Variants in USH2A observed in about 807,000 individuals in gnomAD.
USH2A encodes the protein usherin.
USH2A carries 443 observed loss-of-function variants against 538.9 expected under a neutral mutation model. The observed-to-expected ratio is 0.82, with a 90% CI of 0.76 to 0.89. The LOEUF (loss-of-function observed/expected upper bound fraction) is 0.89, where lower values mean the gene tolerates loss of function less well. USH2A is among the 40% of genes least tolerant of loss of function. USH2A has a pLI of 0.00. For missense variants in USH2A, 6,633 were observed against 6,324.8 expected (o/e 1.05, Z -1.65); for synonymous variants, 2,413 against 2,273.5 (o/e 1.06, Z -1.75).
Position 215,877,841 on chromosome 1 carries a change from T to A in USH2A, c.8598A>T (p.Ala2866=). The A allele has an allele frequency of 6.2e-7, 1 of 1,613,852 alleles. No individual in the cohort carries two copies. Reference sequence around the variant, plus strand: ...GATTTAAATCTTCTGGGGGATTTGATGCAAGTGGCTGCTGGATTTTACGTC... The same window carrying A: ...GATTTAAATCTTCTGGGGGATTTGAAGCAAGTGGCTGCTGGATTTTACGTC... The part of the protein sequence containing the change: ...LLRRKIQQPL[A]SNPPEDLNRW... Residue 2866 remains alanine, a synonymous_variant, in exon 43 of 72, where the codon GCA becomes GCT. Transcript: ENST00000307340.
intron 21 of USH2A, among the ~76,000 whole-genome samples, chr1:216,141,580 A>G (rs1041267580): frequency 6.6e-5 from 10 of 152,112 alleles, no homozygotes; most frequent in African/African-American, 2.4e-4. Flanking sequence ...CCTTGGTAAC[A>G]TTTTGGCATC....
chr1:216,070,377 T>A, intron 29 of USH2A, 85 bp from the exon 30 acceptor site: 1 of 1,230,142 alleles, frequency 8.1e-7, no homozygotes, highest in Non-Finnish European at 1.2e-6. Flanking sequence ...ATGGCCGCAG[T>A]AAATCAGACT....
Position 216,083,443 on chromosome 1 carries a change from T to C in USH2A, c.5298+13A>G. On this transcript the variant is annotated intron_variant, in intron 26 of 71. Transcript: ENST00000307340. ...ATATTTTAAAGTAATTTTAATCAAA[T>C]TAATTCACATACAGCAAGAAAATCA... The C allele has an allele frequency of 6.2e-7, 1 of 1,609,288 alleles. No individual in the cohort carries two copies. The highest frequency in any genetic ancestry group is 8.5e-7 in the Non-Finnish European group (1 of 1,178,066).
intron 21 of USH2A, among the ~76,000 whole-genome samples, chr1:216,155,547 A>C (rs535344404): frequency 4.1e-4 from 62 of 152,144 alleles, no homozygotes; most frequent in African/African-American, 1.5e-3. Context: ...TGCTCTTATG[A>C]TTTCATCTTC....
In USH2A at chr1:215,674,314, A is replaced by G. The variant is rs561868885; in HGVS notation, c.13597T>C (p.Ser4533Pro). The G allele has an allele frequency of 6.2e-7, 1 of 1,613,860 alleles. No individual in the cohort carries two copies. Among genetic ancestry groups the G allele is most frequent in the South Asian group, 1.1e-5 (1 of 91,040 alleles). ...TGCAATTTTGGAGGTTCCATCCCTG[A>G]GGGTGCTGAGGGGCTGGTTCGATCT... ...VKDRTSPSAP[S>P]GMEPPKLQAR... The change falls in exon 63 of 72, where the codon TCA becomes CCA. Residue 4533 changes from serine to proline, a missense_variant. Physicochemically the swap from Ser to Pro is moderately conservative, Grantham distance 74. Transcript: ENST00000307340.
At chr1:215,739,195 G>A (rs1660235516) in intron 60 of USH2A, among the ~76,000 whole-genome samples, 1 of 152,186 alleles carries the variant, frequency 6.6e-6, no homozygotes, top group African/African-American at 2.4e-5. Context: ...AATTATGATT[G>A]TGAAGTGATT....
At chr1:215,773,482 CTGTCTCTCTG>C (rs1362743529) in intron 55 of USH2A, among the ~76,000 whole-genome samples, 1 of 118,940 alleles carries the variant, frequency 8.4e-6, no homozygotes, top group African/African-American at 4.4e-5. Context: ...GGATGTCTCT[CTGTCTCTCTG>C]TCTCTCTCTC....
intron 21 of USH2A, among the ~76,000 whole-genome samples, chr1:216,104,593 G>A (rs1223768051): frequency 1.3e-5 from 2 of 152,110 alleles, no homozygotes; most frequent in East Asian, 3.9e-4. Context: ...TTAAATAAAT[G>A]GTGCTGGGAA....
At chr1:216,218,062 G>A (rs1021768689) in intron 14 of USH2A, among the ~76,000 whole-genome samples, 1 of 152,010 alleles carries the variant, frequency 6.6e-6, no homozygotes, top group Non-Finnish European at 1.5e-5. Flanking sequence ...ATTTCACTAA[G>A]AAAATTGCTT....
chr1:215,847,623 C>T (rs991546595), intron 44 of USH2A, among the ~76,000 whole-genome samples: 8 of 136,678 alleles, frequency 5.9e-5, no homozygotes, highest in African/African-American at 1.9e-4. Flanking sequence ...CCAGGCTGGA[C>T]AACAGAATGA....
intron 16 of USH2A, among the ~76,000 whole-genome samples, chr1:216,201,351 C>A (rs1311789482): frequency 2.7e-5 from 4 of 150,494 alleles, no homozygotes; most frequent in African/African-American, 9.8e-5. Flanking sequence ...CTTTGTCACC[C>A]AGGCTGGAGT....
intron 15 of USH2A, among the ~76,000 whole-genome samples, chr1:216,213,862 C>T (rs2035293521): frequency 6.6e-6 from 1 of 152,086 alleles, no homozygotes; most frequent in Non-Finnish European, 1.5e-5. Flanking sequence ...TTCTTTAACT[C>T]AGTAAGAGGA....
rs1195710149 is a variant in USH2A, at chr1:215,634,675, CTTT to C, written c.15078_15080del (p.Lys5028del). ...CTGTGCTTTTGCTCCGCGATCCCTT[CTTT>C]TTCCCAGGAGTTGTTAGGACCAAGC... On this transcript the variant is annotated inframe_deletion, in exon 70 of 72. Coordinates refer to ENST00000307340, the MANE Select transcript of USH2A (RefSeq NM_206933.4). 1 of 1,614,126 alleles carries C rather than the reference CTTT, an allele frequency of 6.2e-7. No homozygotes were observed. Among genetic ancestry groups the C allele is most frequent in the Non-Finnish European group, 8.5e-7 (1 of 1,180,062 alleles).
chr1:216,059,406 T>C (rs12074633), intron 30 of USH2A, among the ~76,000 whole-genome samples: 3,130 of 152,326 alleles, frequency 0.021, 117 homozygotes, highest in African/African-American at 0.069. Flanking sequence ...TTCATTCTTT[T>C]TGTAGACACC....
chr1:216,140,598 G>A (rs1055577888), intron 21 of USH2A, among the ~76,000 whole-genome samples: 1 of 152,132 alleles, frequency 6.6e-6, no homozygotes, highest in African/African-American at 2.4e-5. Context: ...ATATTCTCCA[G>A]AATGTCTCTA....
At chr1:215,923,726 G>A (rs1281271454) in intron 38 of USH2A, among the ~76,000 whole-genome samples, 2 of 152,008 alleles carry the variant, frequency 1.3e-5, no homozygotes, top group African/African-American at 4.8e-5. Flanking sequence ...ATAGCCCCAG[G>A]CCACTAGGAC....
At chr1:215,869,473 A>G (rs1664568608) in intron 43 of USH2A, among the ~76,000 whole-genome samples, 2 of 152,206 alleles carry the variant, frequency 1.3e-5, no homozygotes, top group Non-Finnish European at 2.9e-5. Context: ...CTTTGCAACC[A>G]ATAGTATGAA....
intron 3 of USH2A, among the ~76,000 whole-genome samples, chr1:216,411,120 T>G (rs1206922580): frequency 6.6e-6 from 1 of 152,156 alleles, no homozygotes; most frequent in Non-Finnish European, 1.5e-5. Flanking sequence ...TGATTCTCTT[T>G]AACACATAGC....
chr1:215,773,537 T>TTTCTCTCTCTGTCG (rs1661363669), intron 55 of USH2A, among the ~76,000 whole-genome samples: 1 of 150,750 alleles, frequency 6.6e-6, no homozygotes, highest in African/African-American at 2.5e-5. Context: ...TCTCTCTGTC[T>TTTCTCTCTCTGTCG]TTCTCTCTCT....
Sources: allele counts gnomAD v4.1 joint callset (sites outside exome capture counted in the v4.1 genomes callset), GRCh38; gene constraint gnomAD v4.1.1; transcripts MANE v1.5; gene names NCBI Gene and HGNC (gene_info 2026-07-23, HGNC 2026-07-21).